The following ACTR3B variants were observed in gnomAD, a reference collection of about 807,000 sequenced individuals.
ACTR3B encodes the protein actin-related protein 3B.
In ACTR3B, 8 loss-of-function variants were observed where a neutral mutation model predicts 59.0. That is an observed-to-expected ratio of 0.14 (90% CI 0.08 to 0.24). The LOEUF (loss-of-function observed/expected upper bound fraction) is 0.24. Among genes scored for constraint, ACTR3B ranks in the 10% least tolerant of loss-of-function variants. ACTR3B has a pLI of 1.00. For missense variants in ACTR3B, 245 were observed against 552.3 expected (o/e 0.44, Z 5.58); for synonymous variants, 148 against 197.9 (o/e 0.75, Z 2.12).
intron 4 of ACTR3B, among the ~76,000 whole-genome samples, chr7:152,809,521 CTTGTTT>C (rs1362184820): frequency 6.6e-6 from 1 of 151,874 alleles, no homozygotes; most frequent in African/African-American, 2.4e-5. Context: ...TTAGCACACA[CTTGTTT>C]TTGTTTTTTC....
In ACTR3B at chr7:152,854,508, G is replaced by A; in HGVS notation, c.1212G>A (p.Gly404=). 6.2e-7 allele frequency: 1 copy of A among 1,614,100 alleles called. No individual in the cohort carries two copies. Among genetic ancestry groups the A allele is most frequent in the Non-Finnish European group, 8.5e-7 (1 of 1,180,016 alleles). The change falls in exon 12 of 12, where the codon GGG becomes GGA. Residue 404 remains glycine, a synonymous_variant. Coordinates refer to ENST00000256001, the MANE Select transcript of ACTR3B (RefSeq NM_020445.6). The surrounding 1 kb of genome is among the most constrained non-coding windows in gnomAD (Gnocchi z 4.9). ...CCAAGAAGGACTATGAAGAGTACGG[G>A]CCCAGCATCTGCCGCCACAACCCCG... ...CHTKKDYEEY[G]PSICRHNPVF...
intron 2 of ACTR3B, among the ~76,000 whole-genome samples, chr7:152,786,658 C>T (rs2098175642): frequency 6.6e-6 from 1 of 151,822 alleles, no homozygotes; most frequent in Admixed American, 6.6e-5. Flanking sequence ...ATCTCTGTAT[C>T]AGAGTAAATG....
intron 6 of ACTR3B, among the ~76,000 whole-genome samples, chr7:152,817,932 A>C (rs1330726776): frequency 6.6e-6 from 1 of 152,196 alleles, no homozygotes; most frequent in East Asian, 1.9e-4. Flanking sequence ...GGGAGAAAAA[A>C]GCCAGCCTCC....
rs1238550598 is a variant in ACTR3B at position 152,812,280 on chromosome 7, C to T, written c.337-2270C>T. The T allele has an allele frequency of 2.1e-5, 2 of 96,698 alleles. 1 individual carries two copies. The highest frequency in any genetic ancestry group is 2.7e-4 in the Admixed American group (2 of 7,314). The allele number at this position is 96,698 out of a possible 1,614,324, so 6.0% of individuals were successfully genotyped here. A position where few individuals can be genotyped will look rare whatever the true frequency, so the allele number is the denominator to read the frequency against. On this transcript the variant is annotated intron_variant, in intron 4 of 11. Coordinates refer to ENST00000256001, the MANE Select transcript of ACTR3B (RefSeq NM_020445.6). The stretch of plus-strand genomic sequence containing the variant: ...TCCTGACCTCAGGTGATCCGCCCGC[C>T]TCGGCCTCCCAAAGTGCTGGGATTA...
intron 3 of ACTR3B, 105 bp from the exon 4 acceptor site, chr7:152,801,516 G>A (rs1277232428): frequency 3.1e-5 from 44 of 1,438,342 alleles, no homozygotes; most frequent in Non-Finnish European, 3.8e-5. Context: ...GCAATAAGAA[G>A]GATACCTTTA....
At chr7:152,779,144 G>A (rs1008138275) in intron 1 of ACTR3B, among the ~76,000 whole-genome samples, 4 of 152,090 alleles carry the variant, frequency 2.6e-5, no homozygotes, top group Admixed American at 6.6e-5. Flanking sequence ...TTCATGTGGC[G>A]TAGTTGAGGT....
intron 9 of ACTR3B, among the ~76,000 whole-genome samples, chr7:152,850,315 T>C (rs893158782): frequency 4.6e-5 from 7 of 151,914 alleles, no homozygotes; most frequent in Admixed American, 3.9e-4. Context: ...GAAGGCCAGA[T>C]CACTGGTCAC....
At chr7:152,817,994 G>C (rs1462055203) in intron 6 of ACTR3B, among the ~76,000 whole-genome samples, 1 of 152,148 alleles carries the variant, frequency 6.6e-6, no homozygotes, top group Non-Finnish European at 1.5e-5. Context: ...GGGGAGGAGA[G>C]GTGGCTGCCC....
intron 4 of ACTR3B, 133 bp downstream of exon 4, chr7:152,801,864 G>A: frequency 3.6e-6 from 2 of 552,248 alleles, no homozygotes; most frequent in South Asian, 5.1e-5. Context: ...CTGCTTTTTT[G>A]AAAATAAAGC....
chr7:152,845,816 G>A lies in ACTR3B; in HGVS notation c.952-6310G>A, dbSNP rs774104842. 9.5e-4 allele frequency among the ~76,000 whole-genome samples: 145 copies of A among 152,298 alleles called. 1 individual carries two copies. The highest frequency in any genetic ancestry group is 4.7e-4 in the Non-Finnish European group (32 of 68,024). ...CCCCCGCTGAGAGCTCAGCATAGTC[G>A]TAGCTTCCACCTGCAGCTGTCTTCC... On this transcript the variant is annotated intron_variant, in intron 9 of 11. Coordinates refer to ENST00000256001, the MANE Select transcript of ACTR3B (RefSeq NM_020445.6).
intron 9 of ACTR3B, among the ~76,000 whole-genome samples, chr7:152,842,152 G>T (rs1797917155): frequency 6.6e-6 from 1 of 152,198 alleles, no homozygotes; most frequent in South Asian, 2.1e-4. Flanking sequence ...ACCCCCAGTG[G>T]ATGGTTGAAA....
At chr7:152,850,276 G>A (rs1286826928) in intron 9 of ACTR3B, among the ~76,000 whole-genome samples, 1 of 150,312 alleles carries the variant, frequency 6.7e-6, no homozygotes, top group Non-Finnish European at 1.5e-5. Context: ...CCAGGTAGAA[G>A]TTCAGATCAC....
chr7:152,795,818 T>C (rs2098214333), intron 2 of ACTR3B, among the ~76,000 whole-genome samples: 1 of 151,802 alleles, frequency 6.6e-6, no homozygotes, highest in African/African-American at 2.4e-5. Context: ...ATACTGTGGT[T>C]ATTCTGAAAG....
intron 2 of ACTR3B, among the ~76,000 whole-genome samples, chr7:152,790,549 G>A (rs1455821928): frequency 2.0e-5 from 3 of 152,010 alleles, no homozygotes; most frequent in Non-Finnish European, 4.4e-5. Flanking sequence ...ATGCTGAACT[G>A]TAATTGCAAA....
At chr7:152,792,608 G>C (rs1057358492) in intron 2 of ACTR3B, among the ~76,000 whole-genome samples, 6 of 151,992 alleles carry the variant, frequency 3.9e-5, no homozygotes, top group African/African-American at 1.5e-4. Context: ...TTAGCTGGGT[G>C]TGGTGGCGTG....
chr7:152,809,915 CTTTT>C (rs56227383), intron 4 of ACTR3B, among the ~76,000 whole-genome samples: 3 of 150,804 alleles, frequency 2.0e-5, no homozygotes, highest in African/African-American at 7.3e-5. Context: ...TTGAATTAAA[CTTTT>C]TTTTTTGGTT....
At chr7:152,821,850 TACTGCC>T (rs1796193303) in intron 7 of ACTR3B, among the ~76,000 whole-genome samples, 1 of 152,244 alleles carries the variant, frequency 6.6e-6, no homozygotes, top group Non-Finnish European at 1.5e-5. Context: ...CGCTTCCCCT[TACTGCC>T]ATGGCCTTCT....
At chr7:152,852,704 T>A (rs778730903) in intron 10 of ACTR3B, among the ~76,000 whole-genome samples, 2 of 152,216 alleles carry the variant, frequency 1.3e-5, no homozygotes, top group Non-Finnish European at 2.9e-5. Flanking sequence ...CACTGTGGGC[T>A]TCTAACCAAG....
chr7:152,812,813 C>G (rs1404935338), intron 4 of ACTR3B: 5 of 134,188 alleles, frequency 3.7e-5, no homozygotes, highest in Non-Finnish European at 6.4e-5. Flanking sequence ...CTTTCCCTGT[C>G]GTAGGGGTGT....
Sources: gnomAD v4.1 joint callset for allele counts (sites outside exome capture counted in the v4.1 genomes callset) on GRCh38, gnomAD v4.1.1 for gene constraint, Gnocchi (gnomAD v3.1) non-coding constraint, MANE v1.5 for transcripts, NCBI Gene and HGNC (gene_info 2026-07-23, HGNC 2026-07-21) for gene names.